The following PCSK5 variants were observed in gnomAD, a reference collection of about 807,000 sequenced individuals.
The protein encoded by PCSK5 is proprotein convertase subtilisin/kexin type 5, also known as prohormone convertase 5.
A neutral mutation model predicts 233.2 loss-of-function variants in PCSK5; 129 were observed. That is an observed-to-expected ratio of 0.55 (90% CI 0.48 to 0.64). PCSK5 has a LOEUF of 0.64. PCSK5 is among the 30% of genes least tolerant of loss of function. The pLI, the probability that PCSK5 is intolerant of heterozygous loss-of-function variation, is 0.00. For missense variants in PCSK5, 2,076 were observed against 2,430.1 expected (o/e 0.85, Z 3.06); for synonymous variants, 825 against 879.2 (o/e 0.94, Z 1.09).
At chr9:76,274,574 G>A (rs1827630414) in intron 24 of PCSK5, among the ~76,000 whole-genome samples, 2 of 150,890 alleles carry the variant, frequency 1.3e-5, no homozygotes, top group Admixed American at 1.3e-4. Context: ...ATTTCCTTCT[G>A]TCAATGGTCT....
At chr9:76,017,337 AT>A (rs1421261066) in intron 3 of PCSK5, among the ~76,000 whole-genome samples, 1 of 152,164 alleles carries the variant, frequency 6.6e-6, no homozygotes, top group Non-Finnish European at 1.5e-5. Context: ...TTATTTTATG[AT>A]AATCAATCTC....
intron 16 of PCSK5, among the ~76,000 whole-genome samples, 160 bp downstream of exon 16, chr9:76,181,751 T>C (rs1481532751): frequency 6.6e-6 from 1 of 152,178 alleles, no homozygotes; most frequent in African/African-American, 2.4e-5. Context: ...AAGCTTCATG[T>C]AAAAATGCTT....
intron 1 of PCSK5, among the ~76,000 whole-genome samples, chr9:75,905,075 T>C (rs920115755): frequency 3.9e-5 from 6 of 152,204 alleles, no homozygotes; most frequent in African/African-American, 1.2e-4. Context: ...ATCATTCTGT[T>C]TATATAAAAT....
At chr9:76,285,475 G>A (rs901287387) in intron 24 of PCSK5, among the ~76,000 whole-genome samples, 8 of 152,082 alleles carry the variant, frequency 5.3e-5, no homozygotes, top group Non-Finnish European at 1.0e-4. Context: ...ATGCCCATTC[G>A]TCTGTCATCC....
chr9:75,904,764 C>T (rs1486872197), intron 1 of PCSK5, among the ~76,000 whole-genome samples: 2 of 152,302 alleles, frequency 1.3e-5, no homozygotes, highest in Admixed American at 6.5e-5. Context: ...GTGAAACATA[C>T]AGCTACTCTA....
chr9:76,261,096 G>T (rs1827159905), intron 24 of PCSK5, among the ~76,000 whole-genome samples: 1 of 152,080 alleles, frequency 6.6e-6, no homozygotes, highest in South Asian at 2.1e-4. Flanking sequence ...AGCAATTAGA[G>T]GAAATTTCTG....
At chr9:76,061,853 T>C (rs2131581619) in intron 5 of PCSK5, among the ~76,000 whole-genome samples, 1 of 152,366 alleles carries the variant, frequency 6.6e-6, no homozygotes, top group African/African-American at 2.4e-5. Context: ...ACTGAAAATA[T>C]GTACATCTCT....
chr9:76,159,107 A>G lies in PCSK5; in HGVS notation c.1555A>G (p.Arg519Gly). Residue 519 changes from arginine (R) to glycine (G), a missense_variant, in exon 12 of 38, where the codon AGA (arginine) becomes GGA (glycine). By Grantham distance (125) the Arg-to-Gly change is moderately radical. Coordinates refer to ENST00000674117, the MANE Select transcript of PCSK5 (RefSeq NM_001372043.1). Reference protein sequence around the residue: ...VVRITITHPRRGDLAIYLTSP... With the variant: ...VVRITITHPRGGDLAIYLTSP... Reference sequence around the variant, plus strand: ...GCGCATCACCATCACCCACCCCAGGAGAGGAGACCTGGCCATCTACCTGAC... The same window carrying G: ...GCGCATCACCATCACCCACCCCAGGGGAGGAGACCTGGCCATCTACCTGAC... 2 of 1,614,148 alleles carry G rather than the reference A, an allele frequency of 1.2e-6. No individual in the cohort carries two copies. Among genetic ancestry groups the G allele is most frequent in the Admixed American group, 1.7e-5 (1 of 60,020 alleles).
intron 20 of PCSK5, among the ~76,000 whole-genome samples, chr9:76,216,610 A>G (rs1825542162): frequency 6.6e-6 from 1 of 152,006 alleles, no homozygotes; most frequent in African/African-American, 2.4e-5. Flanking sequence ...GATGCCCACA[A>G]TTTTTTAGGA....
At chr9:76,123,554 T>C (rs1347520832) in intron 9 of PCSK5, among the ~76,000 whole-genome samples, 9 of 152,330 alleles carry the variant, frequency 5.9e-5, no homozygotes, top group African/African-American at 2.2e-4. Flanking sequence ...AGACCATTTT[T>C]GTTAATTATT....
intron 10 of PCSK5, among the ~76,000 whole-genome samples, chr9:76,146,841 A>G (rs1452592653): frequency 6.6e-6 from 1 of 152,192 alleles, no homozygotes; most frequent in Non-Finnish European, 1.5e-5. Flanking sequence ...TTTCATGTTC[A>G]TGAGACCTAG....
At chr9:76,304,014 A>C (rs567341392) in intron 28 of PCSK5, among the ~76,000 whole-genome samples, 1 of 152,286 alleles carries the variant, frequency 6.6e-6, no homozygotes, top group South Asian at 2.1e-4. Flanking sequence ...TTTACTAAAA[A>C]TACAAAAATT....
chr9:76,190,843 A>G (rs952586932), intron 20 of PCSK5, among the ~76,000 whole-genome samples: 1 of 152,180 alleles, frequency 6.6e-6, no homozygotes, highest in African/African-American at 2.4e-5. Context: ...ACCATCCCCA[A>G]ATATTCTGAT....
intron 1 of PCSK5, among the ~76,000 whole-genome samples, chr9:75,925,848 C>T (rs1823461847): frequency 2.0e-5 from 3 of 152,166 alleles, no homozygotes; most frequent in Non-Finnish European, 4.4e-5. Flanking sequence ...TCACATTTAG[C>T]CAAGTGCTAA....
At chr9:76,107,408 C>T (rs539081158) in intron 9 of PCSK5, 57 bp downstream of exon 9, 11 of 1,114,508 alleles carry the variant, frequency 9.9e-6, no homozygotes, top group African/African-American at 4.6e-5. Context: ...TCAGGGAAAA[C>T]GTACCCCTTC....
intron 2 of PCSK5, among the ~76,000 whole-genome samples, chr9:75,936,109 A>G (rs1824044636): frequency 1.3e-5 from 2 of 152,202 alleles, no homozygotes; most frequent in South Asian, 4.1e-4. Context: ...AAAAATGTAC[A>G]TACCTTAATT....
Position 76,033,076 on chromosome 9 carries a change from C to T in PCSK5, c.632+6039C>T, listed in dbSNP as rs10119057. ...AGTTCTTTAGTTTCTTGTCACACAT[C>T]ATTTCTGGTTTTACGAATGTTGCCA... On this transcript the variant is annotated intron_variant, in intron 5 of 37. Coordinates refer to ENST00000674117, the MANE Select transcript of PCSK5 (RefSeq NM_001372043.1). 5.3e-3 allele frequency among the ~76,000 whole-genome samples: 808 copies of T among 152,288 alleles called. 10 individuals carry two copies. Among genetic ancestry groups the T allele is most frequent in the African/African-American group, 0.019 (779 of 41,564 alleles).
intron 24 of PCSK5, among the ~76,000 whole-genome samples, chr9:76,260,462 G>C (rs1827133667): frequency 6.6e-6 from 1 of 152,208 alleles, no homozygotes; most frequent in African/African-American, 2.4e-5. Context: ...CAGTCAGAAA[G>C]ACAGACGAGA....
At chr9:76,153,077 A>G (rs1456638151) in intron 10 of PCSK5, among the ~76,000 whole-genome samples, 1 of 152,184 alleles carries the variant, frequency 6.6e-6, no homozygotes, top group Admixed American at 6.6e-5. Context: ...ATGTGCATAA[A>G]TGAGCCTATT....
Sources: gnomAD v4.1 joint callset for allele counts (sites outside exome capture counted in the v4.1 genomes callset) on GRCh38, gnomAD v4.1.1 for gene constraint, MANE v1.5 for transcripts, NCBI Gene and HGNC (gene_info 2026-07-23, HGNC 2026-07-21) for gene names.